LHX2: variants seen among roughly 807,000 people sequenced by gnomAD.
The protein encoded by LHX2 is LIM homeobox 2.
Under a neutral mutation model 33.0 loss-of-function variants are expected in LHX2, and 6 were observed. That is an observed-to-expected ratio of 0.18 (90% CI 0.10 to 0.36). LHX2 has a LOEUF of 0.36. Among genes scored for constraint, LHX2 ranks in the 10% least tolerant of loss-of-function variants. LHX2 has a pLI of 1.00. For missense variants in LHX2, 442 were observed against 586.2 expected (o/e 0.75, Z 2.54); for synonymous variants, 292 against 253.1 (o/e 1.15, Z -1.46).
At chr9:124,028,972 T>C (rs1828670789) in intron 4 of LHX2, among the ~76,000 whole-genome samples, 1 of 152,102 alleles carries the variant, frequency 6.6e-6, no homozygotes, top group African/African-American at 2.4e-5. Context: ...TAGCCAGGCA[T>C]GGTGGCGGGT....
At chr9:124,026,055 A>G (rs1321713803) in intron 4 of LHX2, among the ~76,000 whole-genome samples, 1 of 152,160 alleles carries the variant, frequency 6.6e-6, no homozygotes, top group African/African-American at 2.4e-5. Flanking sequence ...AGAATTTAGG[A>G]GTTGAGTACT....
rs1859183512 is a variant in LHX2 at position 124,016,000 on chromosome 9, T to C, written c.727+475T>C. On this transcript the variant is annotated intron_variant, in intron 3 of 4. Transcript: ENST00000373615. The surrounding 1 kb of genome is among the most constrained non-coding windows in gnomAD (Gnocchi z 7.9). ...CGGCCTGGAGTGCGGCCTGACCTCG[T>C]GAAATGTCCCAAGGGCGGCAGGCTT... Among the ~76,000 whole-genome samples the C allele has an allele frequency of 6.6e-6, 1 of 152,170 alleles. No individual in the cohort carries two copies. Among genetic ancestry groups the C allele is most frequent in the Non-Finnish European group, 1.5e-5 (1 of 68,018 alleles).
intron 4 of LHX2, among the ~76,000 whole-genome samples, chr9:124,029,975 C>A (rs900261857): frequency 1.3e-5 from 2 of 152,226 alleles, no homozygotes; most frequent in African/African-American, 2.4e-5. Flanking sequence ...AGGACCCCCC[C>A]ACCCCAGGGA....
rs1287779088 is a variant in LHX2, at chr9:124,013,977, G to A, written c.137G>A (p.Ser46Asn). The A allele has an allele frequency of 1.2e-6, 2 of 1,613,002 alleles. No individual in the cohort carries two copies. Among genetic ancestry groups the A allele is most frequent in the Admixed American group, 1.7e-5 (1 of 60,006 alleles). The stretch of plus-strand genomic sequence containing the variant: ...CCTTCGCAGACCATGCCGTCCATCA[G>A]CAGTGACCGCGCCGCGCTGTGCGCC... ...GDTETTMPSI[S>N]SDRAALCAGC... is the part of the protein sequence containing the mutation. The change falls in exon 2 of 5, where the codon AGC becomes AAC. Residue 46 changes from serine to asparagine, a missense_variant. Physicochemically the swap from Ser to Asn is conservative, Grantham distance 46. Transcript: ENST00000373615.
In LHX2 at chr9:124,032,046, T is replaced by G. The variant is rs7042632; in HGVS notation, c.934-374T>G. On this transcript the variant is annotated intron_variant, in intron 4 of 4. Coordinates refer to ENST00000373615, the MANE Select transcript of LHX2 (RefSeq NM_004789.4). This position sits in a 1 kb window ranked among gnomAD's most constrained non-coding sequence, Gnocchi z 4.1. ...AGCCTGGAGTTTGAGACCAGCCTGG[T>G]CAACATTGCAAGACCCCGTCTCTAC... is the stretch of plus-strand genomic sequence containing the variant. 0.43 allele frequency: 74,537 copies of G among 172,956 alleles called. 16,373 individuals carry two copies. The highest frequency in any genetic ancestry group is 0.51 in the East Asian group (3,046 of 6,028). The allele number at this position is 172,956 out of a possible 1,614,324, so 10.7% of individuals were successfully genotyped here.
intron 4 of LHX2, among the ~76,000 whole-genome samples, chr9:124,025,012 C>T (rs904077150): frequency 6.6e-6 from 1 of 152,184 alleles, no homozygotes; most frequent in Admixed American, 6.5e-5. Flanking sequence ...AAGCAGAAAC[C>T]TCTAGTAAAG....
chr9:124,012,318 C>A lies in LHX2; in HGVS notation c.-31C>A. ...GGGGGCAAGCCCTCCCTCGGAGGAG[C>A]CGCGCCCCCGGCCCCGCCGGTCCCG... On this transcript the variant is annotated 5_prime_UTR_variant, in exon 1 of 5. Coordinates refer to ENST00000373615, the MANE Select transcript of LHX2 (RefSeq NM_004789.4). The surrounding 1 kb of genome is among the most constrained non-coding windows in gnomAD (Gnocchi z 4.3). 1 of 1,480,690 alleles carries A rather than the reference C, an allele frequency of 6.8e-7. No homozygotes were observed. The highest frequency in any genetic ancestry group is 3.0e-5 in the East Asian group (1 of 33,826). 91.7% of individuals were successfully genotyped at this position (1,480,690 alleles called of 1,614,324 possible). A position where few individuals can be genotyped will look rare whatever the true frequency, so the allele number is the denominator to read the frequency against.
Position 124,012,697 on chromosome 9 carries a change from G to C in LHX2, c.120+229G>C, listed in dbSNP as rs1376320632. Among the ~76,000 whole-genome samples, 6 of 152,240 alleles carry C rather than the reference G, an allele frequency of 3.9e-5. No homozygotes were observed. The highest frequency in any genetic ancestry group is 7.3e-5 in the Non-Finnish European group (5 of 68,036). ...CGAAATCTCGGCCCTGGGGGTAGAG[G>C]AGAGCGTTTCTTCCGAACTGGAAGC... On this transcript the variant is annotated intron_variant, in intron 1 of 4. Coordinates refer to ENST00000373615, the MANE Select transcript of LHX2 (RefSeq NM_004789.4). This position sits in a 1 kb window ranked among gnomAD's most constrained non-coding sequence, Gnocchi z 4.3.
intron 4 of LHX2, among the ~76,000 whole-genome samples, chr9:124,027,258 AAAC>A (rs1474414385): frequency 1.3e-5 from 2 of 152,222 alleles, no homozygotes; most frequent in Non-Finnish European, 2.9e-5. Context: ...GAAAAACAGA[AAAC>A]AACAACAGCA....
rs776799769 is a variant in LHX2, at chr9:124,032,580, C to T, written c.1094C>T (p.Thr365Ile). 2 of 1,614,178 alleles carry T rather than the reference C, an allele frequency of 1.2e-6. No individual in the cohort carries two copies. Among genetic ancestry groups the T allele is most frequent in the East Asian group, 2.2e-5 (1 of 44,884 alleles). Residue 365 changes from threonine (T) to isoleucine (I), a missense_variant, in exon 5 of 5, where the codon ACC (threonine) becomes ATC (isoleucine). By Grantham distance (89) the Thr-to-Ile change is moderately conservative. This residue lies in a region of LHX2 where 109 missense variants were observed against 98.7 expected (regional missense o/e 1.10). Transcript: ENST00000373615. This position sits in a 1 kb window ranked among gnomAD's most constrained non-coding sequence, Gnocchi z 4.1. ...TCGCTCAGCCCCTCCAGCACGCCCA[C>T]CACCCTGACAGACTTGACTAGCCCC... is the stretch of plus-strand genomic sequence containing the variant. ...NASLSPSSTP[T>I]TLTDLTSPTL...
Position 124,014,197 on chromosome 9 carries a change from C to A in LHX2, c.323+34C>A. ...CCCACCCAACTGCCCCTCAGGACCC[C>A]TCCCCCCAATCTCAGGCACAGTCTT... On this transcript the variant is annotated intron_variant, in intron 2 of 4. Transcript: ENST00000373615. This position sits in a 1 kb window ranked among gnomAD's most constrained non-coding sequence, Gnocchi z 4.8. The A allele has an allele frequency of 7.1e-7, 1 of 1,410,052 alleles. No individual in the cohort carries two copies. 87.3% of individuals were successfully genotyped at this position (1,410,052 alleles called of 1,614,324 possible).
chr9:124,032,290 C>G lies in LHX2; in HGVS notation c.934-130C>G. 4.3e-6 allele frequency: 5 copies of G among 1,164,982 alleles called. No homozygotes were observed. The highest frequency in any genetic ancestry group is 1.7e-5 in the South Asian group (1 of 57,742). The allele number at this position is 1,164,982 out of a possible 1,614,324, so 72.2% of individuals were successfully genotyped here. On this transcript the variant is annotated intron_variant, in intron 4 of 4. Coordinates refer to ENST00000373615, the MANE Select transcript of LHX2 (RefSeq NM_004789.4). The surrounding 1 kb of genome is among the most constrained non-coding windows in gnomAD (Gnocchi z 4.1). ...ACCAAAAAAGCAAAATATTGCCAAC[C>G]TGACTTTTTGGATCCTCTTGGCAAA...
intron 3 of LHX2, 65 bp from the exon 4 acceptor site, chr9:124,021,034 A>G: frequency 1.4e-6 from 2 of 1,444,862 alleles, no homozygotes; most frequent in Non-Finnish European, 1.9e-6. Context: ...GGGTGGGGCG[A>G]GTGTGGATTT....
At chr9:124,025,736 T>A (rs1407412439) in intron 4 of LHX2, among the ~76,000 whole-genome samples, 3 of 151,972 alleles carry the variant, frequency 2.0e-5, no homozygotes, top group African/African-American at 4.8e-5. Context: ...ATAATCCCAG[T>A]ACTTTGGGAG....
chr9:124,024,140 G>A (rs548498940), intron 4 of LHX2, among the ~76,000 whole-genome samples: 1 of 152,348 alleles, frequency 6.6e-6, no homozygotes, highest in East Asian at 1.9e-4. Context: ...TGTATACTGG[G>A]GGTGGGGCAT....
intron 4 of LHX2, among the ~76,000 whole-genome samples, chr9:124,024,512 G>T (rs1388721269): frequency 2.0e-5 from 3 of 152,202 alleles, no homozygotes; most frequent in Admixed American, 2.0e-4. Context: ...GTGAGATTTG[G>T]ATGTTTTAAT....
intron 4 of LHX2, among the ~76,000 whole-genome samples, chr9:124,025,440 CAAA>C (rs71999375): frequency 7.7e-5 from 8 of 104,334 alleles, no homozygotes; most frequent in Non-Finnish European, 1.3e-4. Context: ...GACTCTGTCT[CAAA>C]AAAAAAAAAA....
intron 1 of LHX2, among the ~76,000 whole-genome samples, chr9:124,013,475 G>T (rs1031387742): frequency 6.6e-6 from 1 of 152,228 alleles, no homozygotes; most frequent in Non-Finnish European, 1.5e-5. Flanking sequence ...CTGGTCTAAG[G>T]ATCCAGGGAT....
At chr9:124,020,718 A>C (rs1564550300) in intron 3 of LHX2, among the ~76,000 whole-genome samples, 1 of 152,190 alleles carries the variant, frequency 6.6e-6, no homozygotes, top group Non-Finnish European at 1.5e-5. Flanking sequence ...TTAAGTACCT[A>C]AAGAAAATGT....
Sources: gnomAD v4.1 joint callset for allele counts (sites outside exome capture counted in the v4.1 genomes callset) on GRCh38, gnomAD v4.1.1 for gene constraint, gnomAD v4.1.1 regional missense constraint, Gnocchi (gnomAD v3.1) non-coding constraint, MANE v1.5 for transcripts, NCBI Gene and HGNC (gene_info 2026-07-23, HGNC 2026-07-21) for gene names.